The following PDZRN4 variants were observed in gnomAD, a reference collection of about 807,000 sequenced individuals.
The protein encoded by PDZRN4 is PDZ domain-containing RING finger protein 4.
PDZRN4 carries 70 observed loss-of-function variants against 99.0 expected under a neutral mutation model. That is an observed-to-expected ratio of 0.71 (90% CI 0.58 to 0.86). PDZRN4 has a LOEUF of 0.86. Ranked by LOEUF, PDZRN4 falls within the 40% of genes least tolerant of loss-of-function variation. The pLI, the probability that PDZRN4 is intolerant of heterozygous loss-of-function variation, is 0.00. For synonymous variants in PDZRN4, 551 were observed against 501.6 expected (o/e 1.10, Z -1.32); for missense variants, 1,474 against 1,331.2 (o/e 1.11, Z -1.67).
At chr12:41,317,861 C>G (rs1024979598) in intron 3 of PDZRN4, among the ~76,000 whole-genome samples, 12 of 151,988 alleles carry the variant, frequency 7.9e-5, no homozygotes, top group African/African-American at 2.7e-4. Flanking sequence ...GATTTTCAAT[C>G]GCTTCCTATT....
In PDZRN4 at chr12:41,572,628, A is replaced by G. The variant is rs751373244; in HGVS notation, c.1849A>G (p.Ile617Val). 5.1e-5 allele frequency: 83 copies of G among 1,614,060 alleles called. No individual in the cohort carries two copies. The highest frequency in any genetic ancestry group is 2.0e-4 in the Admixed American group (12 of 60,006). Residue 617 changes from isoleucine to valine, a missense_variant, in exon 10 of 10, where the codon ATT (isoleucine) becomes GTT (valine). Transcript: ENST00000402685. ...TGGTGAATACATTGACTCAGACTGC[A>G]TTGGCAACCCAGATGAGGACTGTGA... ...VSGEYIDSDC[I>V]GNPDEDCERF...
At chr12:41,413,196 CA>C (rs1379334657) in intron 3 of PDZRN4, 1 of 151,822 alleles carries the variant, frequency 6.6e-6, no homozygotes, top group Non-Finnish European at 1.5e-5. Context: ...TAAAAAAGAA[CA>C]AAATCTTGTC....
chr12:41,572,497 C>T lies in PDZRN4; in HGVS notation c.1718C>T (p.Ala573Val), dbSNP rs139930178. The change falls in exon 10 of 10, where the codon GCA becomes GTA. Residue 573 changes from alanine to valine, a missense_variant. Transcript: ENST00000402685. ...RNDESSEQEN[A>V]AEDPNSTSLK... Reference sequence around the variant, plus strand: ...GATGAGAGCTCAGAGCAGGAGAATGCAGCCGAGGACCCCAATAGCACATCT... The same window carrying T: ...GATGAGAGCTCAGAGCAGGAGAATGTAGCCGAGGACCCCAATAGCACATCT... The T allele has an allele frequency of 1.2e-6, 2 of 1,613,968 alleles. No individual in the cohort carries two copies. Among genetic ancestry groups the T allele is most frequent in the Non-Finnish European group, 1.7e-6 (2 of 1,180,012 alleles).
chr12:41,355,243 A>C (rs1464848809), intron 3 of PDZRN4, among the ~76,000 whole-genome samples: 1 of 152,076 alleles, frequency 6.6e-6, no homozygotes, highest in African/African-American at 2.4e-5. Context: ...TTCATAGCAG[A>C]AGTTGAGAAC....
At chr12:41,372,695 G>A (rs974766152) in intron 3 of PDZRN4, among the ~76,000 whole-genome samples, 2 of 152,108 alleles carry the variant, frequency 1.3e-5, no homozygotes, top group Non-Finnish European at 2.9e-5. Flanking sequence ...TGGGGGTTGA[G>A]GAGGTGTGAT....
In PDZRN4 at chr12:41,194,184, T is replaced by A; in HGVS notation, c.839T>A (p.Met280Lys). 1 of 1,392,952 alleles carries A rather than the reference T, an allele frequency of 7.2e-7. No homozygotes were observed. Among genetic ancestry groups the A allele is most frequent in the Non-Finnish European group, 1.0e-6 (1 of 992,156 alleles). The allele number at this position is 1,392,952 out of a possible 1,614,324, so 86.3% of individuals were successfully genotyped here. A position where few individuals can be genotyped will look rare whatever the true frequency, so the allele number is the denominator to read the frequency against. Residue 280 changes from methionine to lysine, a missense_variant, in exon 3 of 10, where the codon ATG becomes AAG. Transcript: ENST00000402685. ...ADGLEIHDKI[M>K]EVNGKDLSKA... is the part of the protein sequence containing the mutation. The stretch of plus-strand genomic sequence containing the variant: ...GGCCTGGAGATTCATGACAAAATCA[T>A]GGAGGTAAGACAATGATAAAACATG...
chr12:41,350,514 T>G (rs370906331), intron 3 of PDZRN4, among the ~76,000 whole-genome samples: 2 of 152,200 alleles, frequency 1.3e-5, no homozygotes, highest in Admixed American at 6.6e-5. Context: ...CTCTCAAATT[T>G]GATACATTTT....
chr12:41,470,137 G>A (rs970895098), intron 3 of PDZRN4, among the ~76,000 whole-genome samples: 3 of 151,926 alleles, frequency 2.0e-5, no homozygotes, highest in South Asian at 2.1e-4. Flanking sequence ...TCTGTTTATC[G>A]AGATGGGTTT....
At chr12:41,233,626 A>G (rs898843921) in intron 3 of PDZRN4, among the ~76,000 whole-genome samples, 4 of 152,152 alleles carry the variant, frequency 2.6e-5, no homozygotes, top group Admixed American at 2.6e-4. Flanking sequence ...TGATGAGTTC[A>G]TGTCCTTTGT....
chr12:41,433,860 A>G (rs548919540), intron 3 of PDZRN4, among the ~76,000 whole-genome samples: 1 of 152,298 alleles, frequency 6.6e-6, no homozygotes, highest in Non-Finnish European at 1.5e-5. Flanking sequence ...GTCTTTTTGA[A>G]GTCTTATTGT....
Position 41,500,245 on chromosome 12 carries a change from A to T in PDZRN4, c.844-6211A>T, listed in dbSNP as rs11180966. Among the ~76,000 whole-genome samples, 916 of 152,006 alleles carry T rather than the reference A, an allele frequency of 6.0e-3. 40 individuals are homozygous for T. In the East Asian group the frequency reaches 0.12, roughly 21 times the overall value. On this transcript the variant is annotated intron_variant, in intron 3 of 9. Coordinates refer to ENST00000402685, the MANE Select transcript of PDZRN4 (RefSeq NM_001164595.2). ...TATCACTTATTTTCATTTGTCTGAG[A>T]AAGCCAGCTGCCTGGCAAAGTCCCT...
chr12:41,490,726 A>G (rs1030394627), intron 3 of PDZRN4, among the ~76,000 whole-genome samples: 7 of 151,886 alleles, frequency 4.6e-5, no homozygotes, highest in African/African-American at 1.7e-4. Context: ...TGATTTATTA[A>G]TTTATTGGCT....
At chr12:41,270,042 A>G (rs1243237439) in intron 3 of PDZRN4, among the ~76,000 whole-genome samples, 1 of 152,132 alleles carries the variant, frequency 6.6e-6, no homozygotes, top group Non-Finnish European at 1.5e-5. Context: ...TCATTGTGGT[A>G]AAGTGGACTG....
intron 5 of PDZRN4, among the ~76,000 whole-genome samples, chr12:41,512,996 C>A (rs1022408376): frequency 2.0e-5 from 3 of 152,008 alleles, no homozygotes; most frequent in African/African-American, 7.2e-5. Context: ...TGCTAAAATA[C>A]AAACTATGCG....
chr12:41,479,574 T>A (rs547562162), intron 3 of PDZRN4, among the ~76,000 whole-genome samples: 1 of 152,176 alleles, frequency 6.6e-6, no homozygotes, highest in African/African-American at 2.4e-5. Context: ...ATCACTGCCA[T>A]CATCATCAGT....
chr12:41,507,796 A>G (rs1384008791), intron 4 of PDZRN4, among the ~76,000 whole-genome samples: 1 of 151,972 alleles, frequency 6.6e-6, no homozygotes, highest in Non-Finnish European at 1.5e-5. Context: ...GTATCTCTTT[A>G]TTTTAAATAG....
At chr12:41,549,895 T>TCCTC (rs1939022992) in intron 5 of PDZRN4, among the ~76,000 whole-genome samples, 1 of 152,004 alleles carries the variant, frequency 6.6e-6, no homozygotes. Flanking sequence ...GGGTGTTGAG[T>TCCTC]GTCTTACAAA....
intron 5 of PDZRN4, among the ~76,000 whole-genome samples, chr12:41,525,709 A>G (rs1332023269): frequency 1.3e-5 from 2 of 152,118 alleles, no homozygotes; most frequent in African/African-American, 4.8e-5. Context: ...GAAAGGAAAA[A>G]ATGGAAAAGA....
At chr12:41,227,889 ACAC>A (rs1951004786) in intron 3 of PDZRN4, among the ~76,000 whole-genome samples, 1 of 146,322 alleles carries the variant, frequency 6.8e-6, no homozygotes, top group Admixed American at 6.7e-5. Flanking sequence ...ACACACACAC[ACAC>A]ACACACACAC....
Sources: allele counts gnomAD v4.1 joint callset (sites outside exome capture counted in the v4.1 genomes callset), GRCh38; gene constraint gnomAD v4.1.1; transcripts MANE v1.5; gene names NCBI Gene and HGNC (gene_info 2026-07-23, HGNC 2026-07-21).